The following C20orf96 variants were observed in gnomAD, a reference collection of about 807,000 sequenced individuals.
The protein encoded by C20orf96 is chromosome 20 open reading frame 96, also known as uncharacterized protein C20orf96.
In C20orf96, 57 loss-of-function variants were observed where a neutral mutation model predicts 52.6. The observed-to-expected ratio is 1.08, with a 90% CI of 0.88 to 1.35. C20orf96 has a LOEUF of 1.35. Among genes scored for constraint, C20orf96 ranks in the 40% most tolerant of loss-of-function variants. The pLI is 0.00. For synonymous variants in C20orf96, 168 were observed against 157.2 expected (o/e 1.07, Z -0.51); for missense variants, 478 against 443.6 (o/e 1.08, Z -0.70).
chr20:273,057 C>T (rs536645234), intron 10 of C20orf96, among the ~76,000 whole-genome samples: 5 of 152,314 alleles, frequency 3.3e-5, no homozygotes, highest in African/African-American at 1.2e-4. Flanking sequence ...TCACTACAAC[C>T]TCTGTCTCTA....
At chr20:290,199 A>C (rs1368635815) in intron 2 of C20orf96, 60 bp downstream of exon 2, 3 of 1,309,832 alleles carry the variant, frequency 2.3e-6, no homozygotes, top group Admixed American at 3.8e-5. Context: ...GAGAGTGGAG[A>C]GCAGGTGGAC....
intron 1 of C20orf96, 102 bp from the exon 2 acceptor site, chr20:290,409 G>C (rs766114747): frequency 6.4e-7 from 1 of 1,559,406 alleles, no homozygotes; most frequent in African/African-American, 1.4e-5. Flanking sequence ...AGAAACTGCA[G>C]TTTACCGGGG....
intron 3 of C20orf96, among the ~76,000 whole-genome samples, chr20:286,535 A>G (rs1006112162): frequency 1.3e-5 from 2 of 149,404 alleles, no homozygotes; most frequent in African/African-American, 4.9e-5. Context: ...TCTGAAAAAA[A>G]GGAAAGGAAA....
At chr20:288,174 C>CTTTTTTTTTTTTTTTTTTTTTTT (rs1237648367) in intron 3 of C20orf96, among the ~76,000 whole-genome samples, 28 of 66,038 alleles carry the variant, frequency 4.2e-4, no homozygotes, top group South Asian at 6.3e-4. Flanking sequence ...TTTTCTTTTT[C>CTTTTTTTTTTTTTTTTTTTTTTT]TTTTTTTTTT....
intron 3 of C20orf96, among the ~76,000 whole-genome samples, chr20:288,177 T>TTTC (rs1388924550): frequency 2.1e-5 from 3 of 140,738 alleles, no homozygotes; most frequent in Admixed American, 2.1e-4. Flanking sequence ...TCTTTTTCTT[T>TTTC]TTTTTTTTTT....
In C20orf96 at chr20:278,419, T is replaced by C; in HGVS notation, c.476A>G (p.Asp159Gly). ...QQQDTLATIIDILEYSNKKRL... is the reference protein window; with the variant it reads ...QQQDTLATIIGILEYSNKKRL... ...CTTCTTGTTTGAGTACTCCAAGATG[T>C]CGATGATGGTCTGCGGGAGGGGTGG... The change falls in exon 6 of 11, where the codon GAC becomes GGC. Residue 159 changes from aspartate (D) to glycine (G), a missense_variant. Transcript: ENST00000360321. 6.2e-7 allele frequency: 1 copy of C among 1,613,634 alleles called. No homozygotes were observed. Among genetic ancestry groups the C allele is most frequent in the Non-Finnish European group, 8.5e-7 (1 of 1,179,698 alleles).
chr20:277,120 A>T lies in C20orf96; in HGVS notation c.749T>A (p.Met250Lys). 6.2e-7 allele frequency: 1 copy of T among 1,613,844 alleles called. No individual in the cohort carries two copies. Among genetic ancestry groups the T allele is most frequent in the Non-Finnish European group, 8.5e-7 (1 of 1,179,866 alleles). The change falls in exon 8 of 11, where the codon ATG (methionine) becomes AAG (lysine). Residue 250 changes from methionine to lysine, a missense_variant. Coordinates refer to ENST00000360321, the MANE Select transcript of C20orf96 (RefSeq NM_153269.3). ...QQDELDDLGEMRRKVLESLSD... is the reference protein window; with the variant it reads ...QQDELDDLGEKRRKVLESLSD... The stretch of plus-strand genomic sequence containing the variant: ...CAAGGATTCCAGGACCTTTCTGCGC[A>T]TCTCACCGAGGTCATCCAGCTCATC...
At chr20:272,326 A>G (rs748283788) in intron 10 of C20orf96, among the ~76,000 whole-genome samples, 7 of 152,172 alleles carry the variant, frequency 4.6e-5, no homozygotes, top group Non-Finnish European at 1.0e-4. Context: ...GGCACCTCAT[A>G]TAAATCAAAC....
chr20:285,869 C>T (rs1158860390), intron 3 of C20orf96, among the ~76,000 whole-genome samples: 2 of 152,118 alleles, frequency 1.3e-5, no homozygotes, highest in Non-Finnish European at 2.9e-5. Context: ...CCACCGCGCC[C>T]GGCCAGATTA....
In C20orf96 at chr20:271,282, C is replaced by T. The variant is rs764503711; in HGVS notation, c.1032-15G>A. 5.8e-6 allele frequency: 9 copies of T among 1,547,340 alleles called. No homozygotes were observed. In the South Asian group the frequency reaches 1.1e-4, roughly 19 times the overall value. ...CTGGGGTGCACCTGGTGGGAGGCAG[C>T]ACAGAAGGCCATGAGAGACCAGAGG... On this transcript the variant is annotated splice_polypyrimidine_tract_variant and intron_variant, in intron 10 of 10. Transcript: ENST00000360321.
intron 4 of C20orf96, among the ~76,000 whole-genome samples, chr20:283,758 T>G (rs2012310344): frequency 6.6e-6 from 1 of 152,216 alleles, no homozygotes; most frequent in Non-Finnish European, 1.5e-5. Flanking sequence ...TTCCTGGCTG[T>G]GTGACCTGGT....
intron 6 of C20orf96, among the ~76,000 whole-genome samples, chr20:278,125 T>C (rs1350690513): frequency 6.6e-6 from 1 of 152,208 alleles, no homozygotes; most frequent in Non-Finnish European, 1.5e-5. Context: ...ATGCAGACAT[T>C]GGTAGAGACC....
chr20:277,257 C>T lies in C20orf96; in HGVS notation c.692G>A (p.Arg231His), dbSNP rs766793783. The change falls in exon 7 of 11, where the codon CGC (arginine) becomes CAC (histidine). Residue 231 changes from arginine (R) to histidine (H), a missense_variant. Arg to His is a conservative substitution (Grantham distance 29). Transcript: ENST00000360321. ...IKSVQISTLM[R>H]QLQQVKDSQQ... ...GCTGTCCTTAACCTGCTGCAGCTGG[C>T]GCATAAGAGTGGAGATCTGGACAGA... 81 of 1,614,018 alleles carry T rather than the reference C, an allele frequency of 5.0e-5. No individual in the cohort carries two copies. The highest frequency in any genetic ancestry group is 5.5e-5 in the South Asian group (5 of 91,092).
At chr20:288,788 G>A (rs1041817952) in intron 3 of C20orf96, among the ~76,000 whole-genome samples, 3 of 151,996 alleles carry the variant, frequency 2.0e-5, no homozygotes, top group Non-Finnish European at 4.4e-5. Flanking sequence ...GTATACATAA[G>A]TATGCTAGAT....
chr20:276,116 G>C (rs1385867670), intron 9 of C20orf96, 30 bp from the exon 10 acceptor site: 1 of 1,601,908 alleles, frequency 6.2e-7, no homozygotes, highest in African/African-American at 1.5e-5. Flanking sequence ...AGGGGAGAAG[G>C]GAGAGGCAAA....
chr20:285,237 G>A (rs1315511952), intron 3 of C20orf96, among the ~76,000 whole-genome samples: 1 of 152,180 alleles, frequency 6.6e-6, no homozygotes. Flanking sequence ...CATTTGGGGG[G>A]CATATTCTCA....
rs761028658 is a variant in C20orf96 at position 284,086 on chromosome 20, G to A, written c.188-5C>T. On this transcript the variant is annotated splice_polypyrimidine_tract_variant and splice_region_variant and intron_variant, in intron 3 of 10. Coordinates refer to ENST00000360321, the MANE Select transcript of C20orf96 (RefSeq NM_153269.3). ...TAGTGGGCTTGAAGTGAAACACTAG[G>A]GGTAGACAGGAAAGGACAGGGAGAG... is the stretch of plus-strand genomic sequence containing the variant. 1.9e-6 allele frequency: 3 copies of A among 1,611,066 alleles called. No individual in the cohort carries two copies. The highest frequency in any genetic ancestry group is 2.5e-6 in the Non-Finnish European group (3 of 1,177,260).
intron 10 of C20orf96, among the ~76,000 whole-genome samples, 176 bp from the exon 11 acceptor site, chr20:271,443 T>TACACACACACAC (rs71191933): frequency 1.5e-5 from 2 of 134,540 alleles, no homozygotes; most frequent in Admixed American, 7.6e-5. Context: ...TACACAAGCA[T>TACACACACACAC]ACACACACAC....
intron 9 of C20orf96, chr20:276,488 T>C (rs1171391663): frequency 2.0e-6 from 2 of 985,276 alleles, no homozygotes; most frequent in Non-Finnish European, 2.4e-6. Flanking sequence ...TGGTGGGCAG[T>C]AACAAGAATC....
Sources: allele counts gnomAD v4.1 joint callset (sites outside exome capture counted in the v4.1 genomes callset), GRCh38; gene constraint gnomAD v4.1.1; transcripts MANE v1.5; gene names NCBI Gene and HGNC (gene_info 2026-07-23, HGNC 2026-07-21).